Variants in VPS29 observed in about 807,000 individuals in gnomAD.
VPS29 encodes VPS29 retromer complex component.
VPS29 carries 2 observed loss-of-function variants against 20.0 expected under a neutral mutation model. The ratio of observed to expected loss-of-function variants is 0.10; its 90% CI spans 0.04 to 0.31. VPS29 has a LOEUF of 0.31. VPS29 is among the 10% of genes least tolerant of loss of function. VPS29 has a pLI of 1.00. For missense variants in VPS29, 120 were observed against 215.3 expected, an observed-to-expected ratio of 0.56 and a Z score of 2.77; for synonymous variants, 81 against 79.3, an observed-to-expected ratio of 1.02 and a Z score of -0.12.
Position 110,491,747 on chromosome 12 carries a change from A to G in VPS29, c.*258T>C. On this transcript the variant is annotated 3_prime_UTR_variant, in exon 4 of 4. Coordinates refer to ENST00000549578, the MANE Select transcript of VPS29 (RefSeq NM_016226.5). ...AAATATCAACTTTGAAGATACTTAC[A>G]AGGATAAATTTTTCTTAACAAGTGA... is the stretch of plus-strand genomic sequence containing the variant. The G allele has an allele frequency of 8.5e-6, 3 of 351,762 alleles. No individual in the cohort carries two copies. Among genetic ancestry groups the G allele is most frequent in the Non-Finnish European group, 1.5e-5 (3 of 195,336 alleles). 21.8% of individuals were successfully genotyped at this position (351,762 alleles called of 1,614,324 possible).
At chr12:110,493,293 C>A in intron 2 of VPS29, 62 bp from the exon 3 acceptor site, 1 of 1,237,148 alleles carries the variant, frequency 8.1e-7, no homozygotes, top group South Asian at 1.9e-5. Context: ...TTAAAAAAAT[C>A]AGTTTCCTTA....
chr12:110,498,127 AC>A (rs1361029935), intron 1 of VPS29, among the ~76,000 whole-genome samples: 1 of 151,812 alleles, frequency 6.6e-6, no homozygotes, highest in Non-Finnish European at 1.5e-5. Context: ...GCTCTCCACT[AC>A]ACCCAGCTAA....
intron 2 of VPS29, among the ~76,000 whole-genome samples, chr12:110,493,548 G>T (rs1326187201): frequency 6.6e-6 from 1 of 152,000 alleles, no homozygotes; most frequent in Non-Finnish European, 1.5e-5. Context: ...TTTTAGTAGA[G>T]ACGGAGTCTC....
intron 1 of VPS29, among the ~76,000 whole-genome samples, chr12:110,500,092 C>T (rs2062978866): frequency 6.6e-6 from 1 of 152,142 alleles, no homozygotes; most frequent in African/African-American, 2.4e-5. Context: ...TGATGCAACA[C>T]AGCACCATGA....
chr12:110,493,673 A>G (rs745480800), intron 2 of VPS29, among the ~76,000 whole-genome samples: 3 of 152,050 alleles, frequency 2.0e-5, no homozygotes, highest in Non-Finnish European at 4.4e-5. Context: ...ACATTTATAA[A>G]TATTTTATTT....
intron 1 of VPS29, chr12:110,498,849 G>A (rs546773540): frequency 1.0e-6 from 1 of 984,240 alleles, no homozygotes; most frequent in Admixed American, 6.1e-5. Flanking sequence ...CATTTTAGAG[G>A]GGGATTCCTT....
intron 2 of VPS29, among the ~76,000 whole-genome samples, chr12:110,493,853 G>C (rs956826645): frequency 2.0e-5 from 3 of 151,974 alleles, no homozygotes; most frequent in African/African-American, 7.3e-5. Context: ...TTTACCTAAG[G>C]CATGTAAGTT....
At chr12:110,501,670 G>A (rs778669569) in intron 1 of VPS29, 11 of 1,507,768 alleles carry the variant, frequency 7.3e-6, no homozygotes, top group Non-Finnish European at 9.8e-6. Context: ...GCTTTTTGCG[G>A]GAAACGAGTA....
intron 1 of VPS29, chr12:110,499,510 G>C: frequency 6.2e-7 from 1 of 1,612,586 alleles, no homozygotes. Context: ...ACCACTGTTA[G>C]TAGGAGCTAA....
intron 1 of VPS29, chr12:110,499,580 G>A: frequency 6.5e-7 from 1 of 1,549,392 alleles, no homozygotes; most frequent in Non-Finnish European, 8.9e-7. Context: ...TGCAGACAGG[G>A]GGGATGAAAA....
intron 2 of VPS29, among the ~76,000 whole-genome samples, chr12:110,493,781 T>C (rs891737864): frequency 1.3e-5 from 2 of 152,220 alleles, no homozygotes; most frequent in African/African-American, 4.8e-5. Flanking sequence ...TTTATTCCTA[T>C]AGAATATGGG....
At chr12:110,499,504 C>T in intron 1 of VPS29, 1 of 1,612,334 alleles carries the variant, frequency 6.2e-7, no homozygotes, top group South Asian at 1.1e-5. Flanking sequence ...CCAACCACCA[C>T]TGTTAGTAGG....
intron 1 of VPS29, among the ~76,000 whole-genome samples, chr12:110,497,574 C>T (rs1434130002): frequency 6.6e-6 from 1 of 151,858 alleles, no homozygotes; most frequent in African/African-American, 2.4e-5. Context: ...TAACAGAATA[C>T]TGTTAGAAAG....
At position 110,492,226 on chromosome 12, in the gene VPS29, A is replaced by AT. The variant is rs2062827242; in HGVS notation, c.432-105dup. On this transcript the variant is annotated intron_variant, in intron 3 of 3. Coordinates refer to ENST00000549578, the MANE Select transcript of VPS29 (RefSeq NM_016226.5). Reference sequence around the variant, plus strand: ...TTGGATTCAGAGAAATCTGTTACATATCACATGAACAGTTACCAAAAGATT... The same window carrying AT: ...TTGGATTCAGAGAAATCTGTTACATATTCACATGAACAGTTACCAAAAGATT... 4.4e-6 allele frequency: 4 copies of AT among 904,814 alleles called. No individual in the cohort carries two copies. In the Admixed American group the frequency reaches 8.4e-5, roughly 19 times the overall value. 56.0% of individuals were successfully genotyped at this position (904,814 alleles called of 1,614,324 possible). A position where few individuals can be genotyped will look rare whatever the true frequency, so the allele number is the denominator to read the frequency against.
At chr12:110,501,561 T>A in intron 1 of VPS29, 1 of 1,535,334 alleles carries the variant, frequency 6.5e-7, no homozygotes, top group Non-Finnish European at 8.7e-7. Context: ...TCCCTTTCCC[T>A]AGATGGCAAA....
intron 2 of VPS29, among the ~76,000 whole-genome samples, chr12:110,495,529 G>C (rs959372345): frequency 1.3e-5 from 2 of 151,930 alleles, no homozygotes; most frequent in Non-Finnish European, 2.9e-5. Flanking sequence ...TTGCCAACAC[G>C]GCAAAACGCC....
At chr12:110,492,599 T>TTTTTTTTATTTA (rs1555204593) in intron 3 of VPS29, among the ~76,000 whole-genome samples, 2 of 132,344 alleles carry the variant, frequency 1.5e-5, no homozygotes, top group African/African-American at 5.9e-5. Context: ...TTTATTTTTA[T>TTTTTTTTATTTA]TTTATTTATT....
At chr12:110,492,851 TG>T in intron 3 of VPS29, 144 bp downstream of exon 3, 1 of 717,270 alleles carries the variant, frequency 1.4e-6, no homozygotes, top group Non-Finnish European at 2.3e-6. Context: ...CTCAAACTCC[TG>T]GGCTCAAGCA....
At chr12:110,493,410 AG>A (rs1158375871) in intron 2 of VPS29, among the ~76,000 whole-genome samples, 179 bp from the exon 3 acceptor site, 1 of 149,172 alleles carries the variant, frequency 6.7e-6, no homozygotes, top group Non-Finnish European at 1.5e-5. Flanking sequence ...CCCAGGCTGG[AG>A]TGCAGTGGTA....
Sources: gnomAD v4.1 joint callset for allele counts (sites outside exome capture counted in the v4.1 genomes callset) on GRCh38, gnomAD v4.1.1 for gene constraint, MANE v1.5 for transcripts, NCBI Gene and HGNC (gene_info 2026-07-23, HGNC 2026-07-21) for gene names.